GSE1: variants seen among roughly 807,000 people sequenced by gnomAD.
GSE1 encodes the protein Gse1 coiled-coil protein, also known as genetic suppressor element 1.
GSE1 carries 32 observed loss-of-function variants against 112.6 expected under a neutral mutation model. That is an observed-to-expected ratio of 0.28 (90% CI 0.21 to 0.38). GSE1 has a LOEUF of 0.38. Ranked by LOEUF, GSE1 falls within the 10% of genes least tolerant of loss-of-function variation. GSE1 has a pLI of 1.00. For missense variants in GSE1, 2,348 were observed against 1,699.2 expected (o/e 1.38, Z -6.71); for synonymous variants, 1,115 against 735.6 (o/e 1.52, Z -8.35).
At chr16:85,342,425 G>A (rs2046643450) in intron 1 of GSE1, among the ~76,000 whole-genome samples, 1 of 152,144 alleles carries the variant, frequency 6.6e-6, no homozygotes, top group Non-Finnish European at 1.5e-5. Flanking sequence ...TTGAGAAACT[G>A]ACTGCCCTGG....
At chr16:85,668,587 C>G (rs372433486) in intron 14 of GSE1, among the ~76,000 whole-genome samples, 163 bp downstream of exon 14, 1 of 152,188 alleles carries the variant, frequency 6.6e-6, no homozygotes, top group Non-Finnish European at 1.5e-5. Context: ...CTTCTGGTAG[C>G]GGTGATGTCC....
At chr16:85,258,165 C>T (rs538338616) in intron 1 of GSE1, among the ~76,000 whole-genome samples, 2 of 152,318 alleles carry the variant, frequency 1.3e-5, no homozygotes, top group South Asian at 2.1e-4. Context: ...GCAGGGGCCT[C>T]CTCACGCATC....
chr16:85,591,428 T>G (rs1389153667), intron 1 of GSE1, among the ~76,000 whole-genome samples: 1 of 152,368 alleles, frequency 6.6e-6, no homozygotes, highest in Non-Finnish European at 1.5e-5. Context: ...GCCCAGTGGC[T>G]CTAACTTTTC....
chr16:85,574,468 C>A (rs1406041872), intron 1 of GSE1, among the ~76,000 whole-genome samples: 1 of 152,208 alleles, frequency 6.6e-6, no homozygotes, highest in Non-Finnish European at 1.5e-5. Context: ...TTACTCCCTG[C>A]GCGTCAGCAG....
At chr16:85,210,256 T>C (rs1567612570) in intron 1 of GSE1, among the ~76,000 whole-genome samples, 1 of 152,176 alleles carries the variant, frequency 6.6e-6, no homozygotes, top group Non-Finnish European at 1.5e-5. Context: ...AGGGAAATAA[T>C]AGGTGCACAG....
chr16:85,655,994 G>C, intron 6 of GSE1, 77 bp downstream of exon 6: 1 of 1,187,772 alleles, frequency 8.4e-7, no homozygotes, highest in Non-Finnish European at 1.2e-6. Context: ...GCCTGGGCTG[G>C]AACCTGACTG....
At chr16:85,173,268 C>CCAAG (rs1226993712) in intron 1 of GSE1, among the ~76,000 whole-genome samples, 3 of 152,326 alleles carry the variant, frequency 2.0e-5, no homozygotes, top group Non-Finnish European at 4.4e-5. Context: ...AGTCAGACAA[C>CCAAG]ACTCAGTCAG....
At chr16:85,610,258 G>C (rs1235577645), upstream of GSE1, among the ~76,000 whole-genome samples, 1 of 152,214 alleles carries the variant, frequency 6.6e-6, no homozygotes, top group African/African-American at 2.4e-5. Flanking sequence ...AGGTGCCTCC[G>C]TAGGCCTGGC....
chr16:85,347,220 T>C (rs2046761624), intron 1 of GSE1, among the ~76,000 whole-genome samples: 1 of 151,532 alleles, frequency 6.6e-6, no homozygotes, highest in African/African-American at 2.4e-5. Context: ...CCTCTGGGGC[T>C]GGGAGGGGTC....
At chr16:85,334,329 C>T (rs1048098025) in intron 1 of GSE1, among the ~76,000 whole-genome samples, 5 of 152,236 alleles carry the variant, frequency 3.3e-5, no homozygotes, top group Admixed American at 6.5e-5. Context: ...AAGTCATCCA[C>T]GCCTCACAGC....
intron 1 of GSE1, among the ~76,000 whole-genome samples, chr16:85,301,150 G>A (rs981531179): frequency 2.0e-5 from 3 of 152,230 alleles, no homozygotes; most frequent in Non-Finnish European, 4.4e-5. Flanking sequence ...ATGGCGCCGT[G>A]GTGGTCAGTG....
In GSE1 at chr16:85,655,931, G is replaced by A. The variant is rs371951335; in HGVS notation, c.989+14G>A. 806 of 1,586,418 alleles carry A rather than the reference G, an allele frequency of 5.1e-4. 1 individual carries two copies. Among genetic ancestry groups the A allele is most frequent in the Non-Finnish European group, 6.6e-4 (776 of 1,171,170 alleles). On this transcript the variant is annotated intron_variant, in intron 6 of 15. Coordinates refer to ENST00000253458, the MANE Select transcript of GSE1 (RefSeq NM_014615.5). The stretch of plus-strand genomic sequence containing the variant: ...CAGCGCGGAGAGGTAAGTGCGTCTC[G>A]AGCCGAGGAGCCCCTCTGCCCTCCC...
intron 3 of GSE1, among the ~76,000 whole-genome samples, chr16:85,651,376 G>A (rs538485017): frequency 1.3e-5 from 2 of 151,940 alleles, no homozygotes; most frequent in Non-Finnish European, 2.9e-5. Context: ...GGTCTGGCTC[G>A]CCGGGCCCCT....
intron 2 of GSE1, among the ~76,000 whole-genome samples, chr16:85,512,119 T>C (rs573590643): frequency 4.0e-4 from 61 of 152,286 alleles, no homozygotes; most frequent in African/African-American, 1.4e-3. Context: ...TAAGGAGCAC[T>C]GTTCTGCGAG....
intron 2 of GSE1, among the ~76,000 whole-genome samples, chr16:85,433,390 A>G (rs900747892): frequency 6.6e-6 from 1 of 152,058 alleles, no homozygotes; most frequent in Non-Finnish European, 1.5e-5. Flanking sequence ...CCCACAAATT[A>G]CTTTCCCTGC....
Position 85,293,140 on chromosome 16 carries a change from G to A in GSE1, c.2284-64323G>A, listed in dbSNP as rs117636709. 1.8e-3 allele frequency among the ~76,000 whole-genome samples: 278 copies of A among 152,134 alleles called. 9 individuals are homozygous for A. In the East Asian group the frequency reaches 0.038, roughly 21 times the overall value. On this transcript the variant is annotated intron_variant, in intron 1 of 2. Transcript: ENST00000637419. ...CCCCAGCCCAGCCCCTGAGAGTCAC[G>A]GATCGGCTTTTGTCCCCCCATCGCT... is the stretch of plus-strand genomic sequence containing the variant.
At chr16:85,478,910 T>TCCTTCCTTCCTTCCTTC (rs1491509090) in intron 2 of GSE1, among the ~76,000 whole-genome samples, 4 of 57,482 alleles carry the variant, frequency 7.0e-5, no homozygotes, top group African/African-American at 3.3e-4. Context: ...TTTCTTTCTT[T>TCCTTCCTTCCTTCCTTC]CTTTCTTTCT....
At chr16:85,561,401 G>A (rs991768038) in intron 1 of GSE1, among the ~76,000 whole-genome samples, 8 of 151,758 alleles carry the variant, frequency 5.3e-5, no homozygotes, top group African/African-American at 1.7e-4. Context: ...GGCCGCTGGC[G>A]TTGGCAGCGG....
intron 2 of GSE1, among the ~76,000 whole-genome samples, chr16:85,460,692 G>A (rs2151822312): frequency 6.6e-6 from 1 of 152,354 alleles, no homozygotes; most frequent in African/African-American, 2.4e-5. Context: ...GACGGGGGCT[G>A]TGGGAGGCCA....
Sources: allele counts gnomAD v4.1 joint callset (sites outside exome capture counted in the v4.1 genomes callset), GRCh38; gene constraint gnomAD v4.1.1; transcripts MANE v1.5; gene names NCBI Gene and HGNC (gene_info 2026-07-23, HGNC 2026-07-21).